CHAMP1: variants seen among roughly 807,000 people sequenced by gnomAD.
CHAMP1 encodes chromosome alignment-maintaining phosphoprotein 1.
Under a neutral mutation model 54.5 loss-of-function variants are expected in CHAMP1, and 4 were observed. The observed-to-expected ratio is 0.07, with a 90% CI of 0.04 to 0.17. The LOEUF (loss-of-function observed/expected upper bound fraction) is 0.17. Ranked by LOEUF, CHAMP1 falls within the 10% of genes least tolerant of loss-of-function variation. CHAMP1 has a pLI of 1.00. For synonymous variants in CHAMP1, 368 were observed against 342.2 expected (o/e 1.08, Z -0.83); for missense variants, 994 against 968.6 (o/e 1.03, Z -0.35).
At chr13:114,321,274 G>A (rs181250380) in intron 2 of CHAMP1, 42 bp downstream of exon 2, 2 of 151,512 alleles carry the variant, frequency 1.3e-5, no homozygotes, top group Admixed American at 1.3e-4. Context: ...AATATTTTAT[G>A]AGGAGAAAAT....
chr13:114,325,409 A>C lies in CHAMP1; in HGVS notation c.1567A>C (p.Thr523Pro). ...DIWKPVLSID[T>P]EPRKPALFPE... ...CTGGAAGCCTGTTCTCTCTATCGAT[A>C]CTGAGCCTAGAAAACCTGCCCTGTT... The change falls in exon 3 of 3, where the codon ACT becomes CCT. Residue 523 changes from threonine (T) to proline (P), a missense_variant. By Grantham distance (38) the Thr-to-Pro change is conservative. This residue lies in a region of CHAMP1 where 851 missense variants were observed against 701.3 expected (regional missense o/e 1.21). Transcript: ENST00000361283. 1 of 1,614,014 alleles carries C rather than the reference A, an allele frequency of 6.2e-7. No homozygotes were observed. The highest frequency in any genetic ancestry group is 8.5e-7 in the Non-Finnish European group (1 of 1,179,998).
chr13:114,316,952 T>G (rs1025466815), intron 1 of CHAMP1, among the ~76,000 whole-genome samples: 1 of 152,162 alleles, frequency 6.6e-6, no homozygotes, highest in African/African-American at 2.4e-5. Flanking sequence ...TGGGAATTCT[T>G]GTACATTCCC....
At position 114,327,289 on chromosome 13, in the gene CHAMP1, A is replaced by G. The variant is rs1483603571; in HGVS notation, c.*1008A>G. The G allele has an allele frequency of 6.4e-6, 1 of 157,286 alleles. No homozygotes were observed. The highest frequency in any genetic ancestry group is 1.5e-5 in the Non-Finnish European group (1 of 68,082). 9.7% of individuals were successfully genotyped at this position (157,286 alleles called of 1,614,324 possible). On this transcript the variant is annotated 3_prime_UTR_variant, in exon 3 of 3. Coordinates refer to ENST00000361283, the MANE Select transcript of CHAMP1 (RefSeq NM_032436.4). The stretch of plus-strand genomic sequence containing the variant: ...TTCTAAAATATTTTGTCAAATGTGT[A>G]TCAACCAAATTAAAAAGAAAGGTTT...
chr13:114,326,597 A>T lies in CHAMP1; in HGVS notation c.*316A>T. On this transcript the variant is annotated 3_prime_UTR_variant, in exon 3 of 3. Transcript: ENST00000361283. ...ATCAAGAGCAAGTTGTACTCAAAGC[A>T]TTCAGTTAAAGTGTATCTGTGTGTG... The T allele has an allele frequency of 4.4e-6, 1 of 227,764 alleles. No individual in the cohort carries two copies. The highest frequency in any genetic ancestry group is 9.7e-5 in the East Asian group (1 of 10,304). The allele number at this position is 227,764 out of a possible 1,614,324, so 14.1% of individuals were successfully genotyped here. A position where few individuals can be genotyped will look rare whatever the true frequency, so the allele number is the denominator to read the frequency against.
Position 114,325,601 on chromosome 13 carries a change from A to G in CHAMP1, c.1759A>G (p.Ile587Val). The G allele has an allele frequency of 1.9e-6, 3 of 1,614,230 alleles. No homozygotes were observed. Among genetic ancestry groups the G allele is most frequent in the Middle Eastern group, 1.6e-4 (1 of 6,062 alleles). ...TGGTGATGAACTACAAATAGATGCC[A>G]TAGATGATCAAAAATGTGATATTTT... ...ELGDELQIDA[I>V]DDQKCDILVQ... is the part of the protein sequence containing the mutation. Residue 587 changes from isoleucine (I) to valine (V), a missense_variant, in exon 3 of 3, where the codon ATA becomes GTA. Physicochemically the swap from Ile to Val is conservative, Grantham distance 29. Coordinates refer to ENST00000361283, the MANE Select transcript of CHAMP1 (RefSeq NM_032436.4).
At chr13:114,321,885 A>G (rs2087177038) in intron 2 of CHAMP1, among the ~76,000 whole-genome samples, 1 of 152,164 alleles carries the variant, frequency 6.6e-6, no homozygotes, top group African/African-American at 2.4e-5. Flanking sequence ...TTTCCGAAGA[A>G]AAGTATTTGT....
rs2087069603 is a variant in CHAMP1, at chr13:114,314,525, G to C, written c.-297G>C. The stretch of plus-strand genomic sequence containing the variant: ...CTCGCGCACCCGGATCCCGGCTCCT[G>C]CATCCAGTCGCCATTCGGGAGGCCG... On this transcript the variant is annotated 5_prime_UTR_variant, in exon 1 of 3. Coordinates refer to ENST00000361283, the MANE Select transcript of CHAMP1 (RefSeq NM_032436.4). 1 of 151,746 alleles carries C rather than the reference G, an allele frequency of 6.6e-6. No individual in the cohort carries two copies. The highest frequency in any genetic ancestry group is 1.5e-5 in the Non-Finnish European group (1 of 67,882). The allele number at this position is 151,746 out of a possible 1,614,324, so 9.4% of individuals were successfully genotyped here.
At chr13:114,323,105 T>A (rs2087194140) in intron 2 of CHAMP1, 1 of 152,196 alleles carries the variant, frequency 6.6e-6, no homozygotes, top group South Asian at 2.1e-4. Flanking sequence ...TACATCACTC[T>A]CCACCTTATC....
intron 1 of CHAMP1, among the ~76,000 whole-genome samples, chr13:114,318,857 C>CTTTTTTTTT (rs56669844): frequency 6.2e-4 from 15 of 24,194 alleles, no homozygotes; most frequent in Non-Finnish European, 9.0e-4. Flanking sequence ...TCCTGGTTGC[C>CTTTTTTTTT]TTTTTTTTTT....
chr13:114,325,132 C>T lies in CHAMP1; in HGVS notation c.1290C>T (p.Ile430=). ...RKPGPPLSPE[I]RSPAGSPELR... is the part of the protein sequence containing the mutation. The stretch of plus-strand genomic sequence containing the variant: ...CCGGCCCACCACTATCCCCAGAGAT[C>T]CGTAGTCCAGCAGGATCTCCAGAGC... Residue 430 remains isoleucine (I), a synonymous_variant, in exon 3 of 3, where the codon ATC becomes ATT. Coordinates refer to ENST00000361283, the MANE Select transcript of CHAMP1 (RefSeq NM_032436.4). 1 of 1,614,154 alleles carries T rather than the reference C, an allele frequency of 6.2e-7. No individual in the cohort carries two copies. The highest frequency in any genetic ancestry group is 8.5e-7 in the Non-Finnish European group (1 of 1,180,032).
chr13:114,323,706 A>AT, intron 2 of CHAMP1, 82 bp from the exon 3 acceptor site: 1 of 1,149,178 alleles, frequency 8.7e-7, no homozygotes, highest in Non-Finnish European at 1.2e-6. Context: ...TAGACTTAAA[A>AT]TTATGCAGTT....
At chr13:114,316,126 A>G (rs1311436745) in intron 1 of CHAMP1, among the ~76,000 whole-genome samples, 2 of 151,284 alleles carry the variant, frequency 1.3e-5, no homozygotes, top group South Asian at 2.1e-4. Context: ...ATGAACCACC[A>G]TGTCCGGCCT....
In CHAMP1 at chr13:114,326,316, T is replaced by G. The variant is rs2043317732; in HGVS notation, c.*35T>G. 2 of 1,530,134 alleles carry G rather than the reference T, an allele frequency of 1.3e-6. No homozygotes were observed. The highest frequency in any genetic ancestry group is 1.4e-5 in the African/African-American group (1 of 71,780). 94.8% of individuals were successfully genotyped at this position (1,530,134 alleles called of 1,614,324 possible). A position where few individuals can be genotyped will look rare whatever the true frequency, so the allele number is the denominator to read the frequency against. ...GTGAATATTTGTTCTACAAAGGTGT[T>G]TGTTGGAACCATTCTTTGTAAGTAT... is the stretch of plus-strand genomic sequence containing the variant. On this transcript the variant is annotated 3_prime_UTR_variant, in exon 3 of 3. Transcript: ENST00000361283.
rs782128382 is a variant in CHAMP1 at position 114,325,065 on chromosome 13, A to G, written c.1223A>G (p.His408Arg). The change falls in exon 3 of 3, where the codon CAT (histidine) becomes CGT (arginine). Residue 408 changes from histidine (H) to arginine (R), a missense_variant. His to Arg is a conservative substitution (Grantham distance 29). This residue lies in a region of CHAMP1 where 851 missense variants were observed against 701.3 expected (regional missense o/e 1.21). Coordinates refer to ENST00000361283, the MANE Select transcript of CHAMP1 (RefSeq NM_032436.4). ...RKTAPTLSPE[H>R]WKAVPPVSPE... ...ACAGCTCCCACGTTGTCTCCTGAACATTGGAAGGCAGTTCCCCCAGTGTCT... is the reference window on the plus strand; with the variant it reads ...ACAGCTCCCACGTTGTCTCCTGAACGTTGGAAGGCAGTTCCCCCAGTGTCT... The G allele has an allele frequency of 6.2e-7, 1 of 1,614,010 alleles. No individual in the cohort carries two copies. The highest frequency in any genetic ancestry group is 8.5e-7 in the Non-Finnish European group (1 of 1,179,996).
At chr13:114,319,983 T>C (rs538643537) in intron 1 of CHAMP1, among the ~76,000 whole-genome samples, 14 of 152,302 alleles carry the variant, frequency 9.2e-5, no homozygotes, top group African/African-American at 3.4e-4. Context: ...GGTGTCTTAG[T>C]TGACTTGGAG....
rs2087222135 is a variant in CHAMP1, at chr13:114,324,839, C to T, written c.997C>T (p.Pro333Ser). ...WKSNPSASSG[P>S]WKPAKPAPSV... ...ATCCAATCCTTCAGCATCATCAGGA[C>T]CTTGGAAGCCAGCTAAACCTGCTCC... Residue 333 changes from proline to serine, a missense_variant, in exon 3 of 3, where the codon CCT becomes TCT. Pro to Ser is a moderately conservative substitution (Grantham distance 74). Coordinates refer to ENST00000361283, the MANE Select transcript of CHAMP1 (RefSeq NM_032436.4). 3.1e-6 allele frequency: 5 copies of T among 1,614,076 alleles called. No individual in the cohort carries two copies. In the East Asian group the frequency reaches 6.7e-5, roughly 22 times the overall value.
Position 114,323,926 on chromosome 13 carries a change from T to G in CHAMP1, c.84T>G (p.Asn28Lys). Residue 28 changes from asparagine (N) to lysine (K), a missense_variant, in exon 3 of 3, where the codon AAT becomes AAG. Asn to Lys is a moderately conservative substitution (Grantham distance 94, BLOSUM62 0). Coordinates refer to ENST00000361283, the MANE Select transcript of CHAMP1 (RefSeq NM_032436.4). ...GTTTCAGAGGCACAGACTATGAAAA[T>G]GTACAAATCCATATGGGTACCATCC... ...HCSFRGTDYENVQIHMGTIHP... is the reference protein window; with the variant it reads ...HCSFRGTDYEKVQIHMGTIHP... The G allele has an allele frequency of 6.2e-7, 1 of 1,614,146 alleles. No individual in the cohort carries two copies. The highest frequency in any genetic ancestry group is 2.2e-5 in the East Asian group (1 of 44,878).
chr13:114,318,790 G>A (rs555462668), intron 1 of CHAMP1, among the ~76,000 whole-genome samples: 2 of 131,828 alleles, frequency 1.5e-5, no homozygotes, highest in African/African-American at 5.6e-5. Flanking sequence ...TTCCCCTTTT[G>A]AAGTTAAATG....
At position 114,324,859 on chromosome 13, in the gene CHAMP1, T is replaced by A; in HGVS notation, c.1017T>A (p.Pro339=). 1 of 1,614,142 alleles carries A rather than the reference T, an allele frequency of 6.2e-7. No homozygotes were observed. Residue 339 remains proline, a synonymous_variant, in exon 3 of 3, where the codon CCT becomes CCA. Transcript: ENST00000361283. ...CAGGACCTTGGAAGCCAGCTAAACC[T>A]GCTCCATCTGTGTCTCCTGGACCTT... The part of the protein sequence containing the change: ...ASSGPWKPAK[P]APSVSPGPWK...
Sources: gnomAD v4.1 joint callset for allele counts (sites outside exome capture counted in the v4.1 genomes callset) on GRCh38, gnomAD v4.1.1 for gene constraint, gnomAD v4.1.1 regional missense constraint, MANE v1.5 for transcripts, NCBI Gene and HGNC (gene_info 2026-07-23, HGNC 2026-07-21) for gene names.